The following KIF21B variants were observed in gnomAD, a reference collection of about 807,000 sequenced individuals.
KIF21B encodes the protein kinesin family member 21B.
Under a neutral mutation model 192.9 loss-of-function variants are expected in KIF21B, and 85 were observed. That is an observed-to-expected ratio of 0.44 (90% CI 0.37 to 0.53). The LOEUF is 0.53. Among genes scored for constraint, KIF21B ranks in the 20% least tolerant of loss-of-function variants. The pLI is 0.00. For synonymous variants in KIF21B, 832 were observed against 884.6 expected (o/e 0.94, Z 1.05); for missense variants, 1,716 against 2,194.8 (o/e 0.78, Z 4.36).
intron 8 of KIF21B, chr1:201,002,759 C>T (rs1479067728): frequency 5.9e-6 from 1 of 170,600 alleles, no homozygotes; most frequent in Non-Finnish European, 1.3e-5. Flanking sequence ...CAGACTCAGT[C>T]TAGAAGGGGC....
At position 200,990,479 on chromosome 1, in the gene KIF21B, A is replaced by G. The variant is rs2102410772; in HGVS notation, c.2835+97T>C. 4 of 1,499,602 alleles carry G rather than the reference A, an allele frequency of 2.7e-6. No individual in the cohort carries two copies. The highest frequency in any genetic ancestry group is 2.7e-6 in the Non-Finnish European group (3 of 1,097,272). 92.9% of individuals were successfully genotyped at this position (1,499,602 alleles called of 1,614,324 possible). On this transcript the variant is annotated intron_variant, in intron 19 of 34. Coordinates refer to ENST00000461742, the MANE Select transcript of KIF21B (RefSeq NM_001252102.2). This position sits in a 1 kb window ranked among gnomAD's most constrained non-coding sequence, Gnocchi z 5.4. ...AGAGCAGGCAAAAGGAGCAGAGGGA[A>G]GTGGGGCAGGGAAAGGTCTGAAGAG...
chr1:201,013,852 T>G (rs2102472925), intron 1 of KIF21B, among the ~76,000 whole-genome samples: 1 of 152,344 alleles, frequency 6.6e-6, no homozygotes, highest in Non-Finnish European at 1.5e-5. Context: ...TGCCTGTTTC[T>G]GTCAGTAAAG....
intron 15 of KIF21B, among the ~76,000 whole-genome samples, chr1:200,995,423 AG>A (rs1656989743): frequency 1.3e-5 from 2 of 152,190 alleles, no homozygotes; most frequent in Non-Finnish European, 2.9e-5. Flanking sequence ...GAGGACTGAA[AG>A]GGAGCATGGA....
intron 28 of KIF21B, among the ~76,000 whole-genome samples, chr1:200,981,764 G>C (rs1655946797): frequency 2.0e-5 from 3 of 152,170 alleles, no homozygotes; most frequent in African/African-American, 4.8e-5. Context: ...TAGGAGGTTT[G>C]GGGCTCTCTG....
At chr1:201,002,515 C>T in intron 8 of KIF21B, 165 bp from the exon 9 acceptor site, 1 of 617,992 alleles carries the variant, frequency 1.6e-6, no homozygotes. Flanking sequence ...CTACTGGCCC[C>T]CAGTGATCAA....
In KIF21B at chr1:200,974,920, G is replaced by C; in HGVS notation, c.4615-7C>G. On this transcript the variant is annotated splice_region_variant and splice_polypyrimidine_tract_variant and intron_variant, in intron 33 of 34. Transcript: ENST00000461742. ...TGTGCGCATTGGGGATTTGCTGTGA[G>C]AGGATCAGGGCTGGTGAGGGCTGGG... is the stretch of plus-strand genomic sequence containing the variant. 6.2e-7 allele frequency: 1 copy of C among 1,613,108 alleles called. No homozygotes were observed. Among genetic ancestry groups the C allele is most frequent in the Non-Finnish European group, 8.5e-7 (1 of 1,179,944 alleles).
intron 26 of KIF21B, among the ~76,000 whole-genome samples, chr1:200,986,163 C>T (rs1237368310): frequency 1.3e-5 from 2 of 151,666 alleles, no homozygotes; most frequent in African/African-American, 4.8e-5. Flanking sequence ...TCTTCTCTCA[C>T]ACCATAAGGC....
Position 200,973,349 on chromosome 1 carries a change from A to G in KIF21B, c.*172T>C, listed in dbSNP as rs1571903091. On this transcript the variant is annotated 3_prime_UTR_variant, in exon 35 of 35. Coordinates refer to ENST00000461742, the MANE Select transcript of KIF21B (RefSeq NM_001252102.2). ...GAGGCTCCTGAGAGGCAGGGGAGGG[A>G]TGAGGGAACAGTGTCCTGTGGGAAG... 1.4e-6 allele frequency: 1 copy of G among 703,934 alleles called. No homozygotes were observed. The allele number at this position is 703,934 out of a possible 1,614,324, so 43.6% of individuals were successfully genotyped here. A position where few individuals can be genotyped will look rare whatever the true frequency, so the allele number is the denominator to read the frequency against.
chr1:201,009,869 G>A (rs1658129926), intron 1 of KIF21B, among the ~76,000 whole-genome samples: 1 of 152,218 alleles, frequency 6.6e-6, no homozygotes, highest in African/African-American at 2.4e-5. Context: ...ATAATGGAAA[G>A]TGATGGCGCC....
At chr1:201,001,810 C>A in intron 9 of KIF21B, 1 of 298,592 alleles carries the variant, frequency 3.3e-6, no homozygotes. Context: ...AATACATATT[C>A]ATACTTGAAA....
At chr1:201,007,327 GAC>G (rs1247853163) in intron 3 of KIF21B, among the ~76,000 whole-genome samples, 7 of 50,364 alleles carry the variant, frequency 1.4e-4, no homozygotes, top group African/African-American at 6.2e-4. Context: ...GAGACACACA[GAC>G]ACACACACAG....
At chr1:201,009,562 C>T in intron 1 of KIF21B, 74 bp from the exon 2 acceptor site, 1 of 1,407,244 alleles carries the variant, frequency 7.1e-7, no homozygotes, top group South Asian at 1.3e-5. Context: ...CCTCACACTG[C>T]CTGCCAAGCT....
intron 34 of KIF21B, 90 bp downstream of exon 34, chr1:200,974,624 A>G (rs1425587618): frequency 8.0e-6 from 11 of 1,376,368 alleles, no homozygotes; most frequent in Non-Finnish European, 1.1e-5. Context: ...CTGCGGGGAC[A>G]ACTGCAGGGC....
Position 200,983,530 on chromosome 1 carries a change from G to A in KIF21B, c.3804-436C>T, listed in dbSNP as rs149599775. Reference sequence around the variant, plus strand: ...CTGATCCTACCCCTCCCTGGGAGCTGGCTTCTTCCAGCAATTCCTCAGGGG... The same window carrying A: ...CTGATCCTACCCCTCCCTGGGAGCTAGCTTCTTCCAGCAATTCCTCAGGGG... On this transcript the variant is annotated intron_variant, in intron 27 of 34. Coordinates refer to ENST00000461742, the MANE Select transcript of KIF21B (RefSeq NM_001252102.2). Among the ~76,000 whole-genome samples, 47 of 152,270 alleles carry A rather than the reference G, an allele frequency of 3.1e-4. No homozygotes were observed. The East Asian group carries it at 8.9e-3, about 29-fold the overall frequency.
chr1:200,975,405 C>G lies in KIF21B; in HGVS notation c.4614+94G>C. 8.5e-7 allele frequency: 1 copy of G among 1,179,764 alleles called. No homozygotes were observed. Among genetic ancestry groups the G allele is most frequent in the South Asian group, 1.5e-5 (1 of 68,460 alleles). The allele number at this position is 1,179,764 out of a possible 1,614,324, so 73.1% of individuals were successfully genotyped here. A position where few individuals can be genotyped will look rare whatever the true frequency, so the allele number is the denominator to read the frequency against. On this transcript the variant is annotated intron_variant, in intron 33 of 34. Transcript: ENST00000461742. The surrounding 1 kb of genome is among the most constrained non-coding windows in gnomAD (Gnocchi z 4.3). ...CTGTGAAAACCATCTGGCCTGGGGCCCGCGAGTCCAGGTCCCAGGGTCTCC... is the reference window on the plus strand; with the variant it reads ...CTGTGAAAACCATCTGGCCTGGGGCGCGCGAGTCCAGGTCCCAGGGTCTCC...
intron 1 of KIF21B, among the ~76,000 whole-genome samples, chr1:201,019,099 T>C (rs1658673134): frequency 6.6e-6 from 1 of 152,186 alleles, no homozygotes; most frequent in African/African-American, 2.4e-5. Context: ...CATGTCCGTC[T>C]AATTTTTGTA....
intron 8 of KIF21B, 200 bp from the exon 9 acceptor site, chr1:201,002,550 A>G (rs1657561732): frequency 3.8e-6 from 2 of 521,058 alleles, no homozygotes; most frequent in Non-Finnish European, 6.8e-6. Context: ...TCTCCTTGAC[A>G]ATAAAAAGTC....
intron 5 of KIF21B, 140 bp from the exon 6 acceptor site, chr1:201,005,073 G>A (rs972790266): frequency 9.4e-7 from 1 of 1,065,982 alleles, no homozygotes; most frequent in Non-Finnish European, 1.4e-6. Flanking sequence ...CTGACAATGT[G>A]CACAGTATTT....
intron 3 of KIF21B, among the ~76,000 whole-genome samples, chr1:201,007,355 GACACAC>G (rs1195343081): frequency 1.9e-5 from 1 of 52,274 alleles, no homozygotes; most frequent in African/African-American, 1.2e-4. Context: ...GAGACACATA[GACACAC>G]ACACACACAC....
Sources: allele counts gnomAD v4.1 joint callset (sites outside exome capture counted in the v4.1 genomes callset), GRCh38; gene constraint gnomAD v4.1.1; non-coding constraint Gnocchi (gnomAD v3.1); transcripts MANE v1.5; gene names NCBI Gene and HGNC (gene_info 2026-07-23, HGNC 2026-07-21).